Variants in TRPM3 observed in about 807,000 individuals in gnomAD.
The protein encoded by TRPM3 is transient receptor potential cation channel subfamily M member 3, also known as long transient receptor potential channel 3.
In TRPM3, 77 loss-of-function variants were observed where a neutral mutation model predicts 181.2. The observed-to-expected ratio is 0.42, with a 90% CI of 0.35 to 0.51. The LOEUF (loss-of-function observed/expected upper bound fraction) is 0.51, where lower values mean the gene tolerates loss of function less well. Ranked by LOEUF, TRPM3 falls within the 20% of genes least tolerant of loss-of-function variation. The pLI, the probability that TRPM3 is intolerant of heterozygous loss-of-function variation, is 0.01. For synonymous variants in TRPM3, 745 were observed against 796.4 expected, an observed-to-expected ratio of 0.94 and a Z score of 1.09; for missense variants, 1,759 against 2,196.7, an observed-to-expected ratio of 0.80 and a Z score of 3.98.
At chr9:70,887,597 T>C (rs1048982639) in intron 1 of TRPM3, among the ~76,000 whole-genome samples, 2 of 152,210 alleles carry the variant, frequency 1.3e-5, no homozygotes, top group Non-Finnish European at 2.9e-5. Flanking sequence ...AAGAGGCTTC[T>C]GGCAGGCAAC....
At position 70,598,503 on chromosome 9, in the gene TRPM3, G is replaced by A. The variant is rs1391473765; in HGVS notation, c.2964C>T (p.Asn988=). Residue 988 remains asparagine (N), a synonymous_variant, in exon 21 of 26, where the codon AAC becomes AAT. Coordinates refer to ENST00000677713, the MANE Select transcript of TRPM3 (RefSeq NM_001366145.2). ...RSDGRVIYCV[N]IIYWYIRLLD... is the part of the protein sequence containing the mutation. ...GGAGACGGATATACCAGTAAATGAT[G>A]TTCACGCAGTAGATGACCCTCCCGT... 14 of 1,614,094 alleles carry A rather than the reference G, an allele frequency of 8.7e-6. No individual in the cohort carries two copies. The highest frequency in any genetic ancestry group is 1.2e-5 in the Non-Finnish European group (14 of 1,180,052).
chr9:71,112,160 T>G, intron 1 of TRPM3, among the ~76,000 whole-genome samples: 1 of 152,194 alleles, frequency 6.6e-6, no homozygotes, highest in East Asian at 1.9e-4. Context: ...CCCAGCAAGT[T>G]TAACAGTACA....
Position 70,537,172 on chromosome 9 carries a change from T to C in TRPM3, c.3941A>G (p.Asn1314Ser). The C allele has an allele frequency of 6.3e-7, 1 of 1,589,904 alleles. No individual in the cohort carries two copies. The highest frequency in any genetic ancestry group is 8.6e-7 in the Non-Finnish European group (1 of 1,163,156). The change falls in exon 26 of 26, where the codon AAC (asparagine) becomes AGC (serine). Residue 1314 changes from asparagine to serine, a missense_variant. Coordinates refer to ENST00000677713, the MANE Select transcript of TRPM3 (RefSeq NM_001366145.2). ...AAYIVRQSSF[N>S]SQEGNTFKLQ... is the part of the protein sequence containing the mutation. The stretch of plus-strand genomic sequence containing the variant: ...CTTGAAGGTGTTCCCTTCCTGGCTG[T>C]TGAAGCTGCTCTGACGGACAATGTA...
chr9:71,202,967 G>C (rs1411495), intron 1 of TRPM3, among the ~76,000 whole-genome samples: 42,191 of 152,086 alleles, frequency 0.28, 6,256 homozygotes, highest in East Asian at 0.36. Context: ...TTGCAAAAGA[G>C]AAGTCCCCAA....
chr9:70,595,167 C>T (rs1324431420), intron 21 of TRPM3, among the ~76,000 whole-genome samples: 6 of 152,126 alleles, frequency 3.9e-5, no homozygotes, highest in South Asian at 2.1e-4. Flanking sequence ...AAAATAATCT[C>T]GCTGCATTAG....
intron 1 of TRPM3, among the ~76,000 whole-genome samples, chr9:71,297,207 A>C (rs554040288): frequency 3.7e-4 from 57 of 152,072 alleles, no homozygotes; most frequent in African/African-American, 1.3e-3. Context: ...ATTACTTCTC[A>C]GTATCTCCAG....
intron 1 of TRPM3, among the ~76,000 whole-genome samples, chr9:71,119,458 C>T (rs955479108): frequency 6.6e-6 from 1 of 151,346 alleles, no homozygotes; most frequent in Non-Finnish European, 1.5e-5. Context: ...CCTAAAAAGA[C>T]AGAGCTTCTT....
At chr9:70,765,713 A>G (rs1188603547) in intron 7 of TRPM3, among the ~76,000 whole-genome samples, 2 of 152,154 alleles carry the variant, frequency 1.3e-5, no homozygotes, top group African/African-American at 4.8e-5. Context: ...TTCTCTGAAG[A>G]TCCTTTCTTA....
At chr9:70,793,650 G>A (rs961697405) in intron 6 of TRPM3, 10 of 470,346 alleles carry the variant, frequency 2.1e-5, no homozygotes, top group African/African-American at 2.0e-4. Context: ...GTCTTCACCT[G>A]TCTTTTATCC....
intron 1 of TRPM3, among the ~76,000 whole-genome samples, chr9:71,377,827 C>T (rs1462213692): frequency 1.3e-5 from 2 of 151,884 alleles, no homozygotes; most frequent in Non-Finnish European, 2.9e-5. Context: ...ATTAAAAAAA[C>T]TCATATGTAC....
At chr9:71,395,058 A>G (rs2132978372) in intron 1 of TRPM3, among the ~76,000 whole-genome samples, 1 of 152,318 alleles carries the variant, frequency 6.6e-6, no homozygotes, top group South Asian at 2.1e-4. Flanking sequence ...ACATCCCACA[A>G]TGACCAGGCA....
intron 6 of TRPM3, among the ~76,000 whole-genome samples, chr9:70,785,396 T>A (rs187160736): frequency 6.6e-6 from 1 of 152,352 alleles, no homozygotes; most frequent in East Asian, 1.9e-4. Flanking sequence ...CTTCCTTTTG[T>A]TCAATTTGGT....
At chr9:70,826,728 A>G (rs2093580624) in intron 6 of TRPM3, 1 of 152,230 alleles carries the variant, frequency 6.6e-6, no homozygotes, top group African/African-American at 2.4e-5. Flanking sequence ...AACCTCTGAA[A>G]ACTCATCTAG....
At chr9:70,924,570 G>T (rs1180328919) in intron 1 of TRPM3, among the ~76,000 whole-genome samples, 1 of 152,090 alleles carries the variant, frequency 6.6e-6, no homozygotes, top group Admixed American at 6.6e-5. Context: ...GAAGTACAAT[G>T]ACTGAGTCAA....
intron 12 of TRPM3, among the ~76,000 whole-genome samples, chr9:70,634,210 A>G (rs1234909317): frequency 2.0e-5 from 3 of 152,130 alleles, no homozygotes; most frequent in African/African-American, 7.2e-5. Flanking sequence ...CCCGGGTTCA[A>G]GTGATTCTCC....
At chr9:70,771,087 CCT>C (rs1417794121) in intron 7 of TRPM3, among the ~76,000 whole-genome samples, 1 of 152,096 alleles carries the variant, frequency 6.6e-6, no homozygotes, top group Non-Finnish European at 1.5e-5. Flanking sequence ...TGCTAAGATG[CCT>C]TGAAACCATT....
intron 1 of TRPM3, among the ~76,000 whole-genome samples, chr9:71,056,141 C>T (rs1327902695): frequency 6.6e-6 from 1 of 151,898 alleles, no homozygotes; most frequent in East Asian, 1.9e-4. Context: ...AAGTTTAAAG[C>T]AGTATCAAAA....
At chr9:71,197,861 A>C (rs1296020260) in intron 1 of TRPM3, among the ~76,000 whole-genome samples, 1 of 143,870 alleles carries the variant, frequency 7.0e-6, no homozygotes, top group Admixed American at 7.2e-5. Context: ...GCTGTGCAGA[A>C]GCTCTTTAGT....
chr9:70,879,931 G>T (rs764960023), intron 1 of TRPM3, among the ~76,000 whole-genome samples: 3 of 152,018 alleles, frequency 2.0e-5, no homozygotes, highest in Non-Finnish European at 4.4e-5. Flanking sequence ...CATGCATGTG[G>T]TTTTTCTGTT....
Sources: allele counts gnomAD v4.1 joint callset (sites outside exome capture counted in the v4.1 genomes callset), GRCh38; gene constraint gnomAD v4.1.1; transcripts MANE v1.5; gene names NCBI Gene and HGNC (gene_info 2026-07-23, HGNC 2026-07-21).